The following ANOS1 variants were observed in gnomAD, a reference collection of about 807,000 sequenced individuals.
ANOS1 encodes the protein anosmin-1.
Under a neutral mutation model 59.0 loss-of-function variants are expected in ANOS1, and 6 were observed. That is an observed-to-expected ratio of 0.10 (90% CI 0.06 to 0.20). The LOEUF is 0.20. Ranked by LOEUF, ANOS1 falls within the 10% of genes least tolerant of loss-of-function variation. The pLI, the probability that ANOS1 is intolerant of heterozygous loss-of-function variation, is 1.00. For synonymous variants in ANOS1, 217 were observed against 223.4 expected, an observed-to-expected ratio of 0.97 and a Z score of 0.25; for missense variants, 433 against 542.3, an observed-to-expected ratio of 0.80 and a Z score of 2.00.
At chrX:8,600,646 TACTC>T (rs972378394) in intron 3 of ANOS1, among the ~76,000 whole-genome samples, 1 of 112,402 alleles carries the variant, frequency 8.9e-6, no homozygotes, top group Non-Finnish European at 1.9e-5. Flanking sequence ...TTTTATCTCT[TACTC>T]TATTTCACAG....
chrX:8,583,850 C>T lies in ANOS1; in HGVS notation c.856+1417G>A, dbSNP rs149072728. ...TTCCATTCTAGATTATAAGTTGCTC[C>T]GATATACTAGGAAGTGTCAGGACAG... On this transcript the variant is annotated intron_variant, in intron 6 of 13. Transcript: ENST00000262648. 8.4e-3 allele frequency among the ~76,000 whole-genome samples: 936 copies of T among 111,557 alleles called. 19 individuals are homozygous for T. The highest frequency in any genetic ancestry group is 0.029 in the African/African-American group (876 of 30,712).
chrX:8,630,228 G>A (rs996626836), intron 2 of ANOS1, among the ~76,000 whole-genome samples: 4 of 111,689 alleles, frequency 3.6e-5, no homozygotes, highest in African/African-American at 9.8e-5. Context: ...TCAAGAGCTC[G>A]AGACCAGCCT....
At chrX:8,567,013 C>T (rs898114850) in intron 8 of ANOS1, among the ~76,000 whole-genome samples, 1 of 111,747 alleles carries the variant, frequency 8.9e-6, no homozygotes, top group Non-Finnish European at 1.9e-5. Context: ...AAATCAACAT[C>T]GGAGGAGCCC....
intron 3 of ANOS1, among the ~76,000 whole-genome samples, chrX:8,619,387 C>G (rs1296304478): frequency 9.0e-6 from 1 of 111,626 alleles, no homozygotes; most frequent in East Asian, 2.8e-4. Flanking sequence ...GGGCGGATCA[C>G]AAGGTCAGGA....
chrX:8,689,945 A>G (rs1036920150), intron 2 of ANOS1, among the ~76,000 whole-genome samples: 6 of 111,647 alleles, frequency 5.4e-5, no homozygotes, highest in Non-Finnish European at 9.4e-5. Context: ...TGTACATAAG[A>G]TGGCTTTTTC....
chrX:8,609,825 G>A (rs1345149519), intron 3 of ANOS1, among the ~76,000 whole-genome samples: 1 of 108,245 alleles, frequency 9.2e-6, no homozygotes, highest in African/African-American at 3.4e-5. Context: ...GGCTAACACG[G>A]TGAAACCCCA....
intron 1 of ANOS1, among the ~76,000 whole-genome samples, chrX:8,730,294 C>G (rs781443377): frequency 8.9e-6 from 1 of 112,303 alleles, no homozygotes; most frequent in Non-Finnish European, 1.9e-5. Context: ...GGGATCGGCC[C>G]TCTCCTGGCT....
intron 2 of ANOS1, among the ~76,000 whole-genome samples, chrX:8,659,999 C>T (rs1395424641): frequency 9.0e-6 from 1 of 111,582 alleles, no homozygotes; most frequent in African/African-American, 3.3e-5. Flanking sequence ...GGGACACTTT[C>T]ACACTTTGGC....
In ANOS1 at chrX:8,699,679, A is replaced by G. The variant is rs748185445; in HGVS notation, c.255+19T>C. 1.7e-6 allele frequency: 2 copies of G among 1,170,876 alleles called. No individual in the cohort carries two copies. Among genetic ancestry groups the G allele is most frequent in the Non-Finnish European group, 2.3e-6 (2 of 863,104 alleles). ...ATTAAAAGTTTTTTGCACCATTCAT[A>G]CAGGTATAGGAAACGTACCTTAGAA... On this transcript the variant is annotated intron_variant, in intron 2 of 13. Coordinates refer to ENST00000262648, the MANE Select transcript of ANOS1 (RefSeq NM_000216.4).
At chrX:8,570,008 A>G (rs947764574) in intron 7 of ANOS1, among the ~76,000 whole-genome samples, 2 of 111,063 alleles carry the variant, frequency 1.8e-5, no homozygotes, top group Non-Finnish European at 3.8e-5. Context: ...CTTTTAATCA[A>G]TGAGAAGAAC....
Position 8,557,536 on chromosome X carries a change from AAAG to A in ANOS1, c.1208-3441_1208-3439del, listed in dbSNP as rs1242860997. ...AAAGGATATGAACAGACACTTCTCAAAAGAAGACATTTATGCGGCCAATAAACG... is the reference window on the plus strand; with the variant it reads ...AAAGGATATGAACAGACACTTCTCAAAAGACATTTATGCGGCCAATAAACG... On this transcript the variant is annotated intron_variant, in intron 8 of 13. Transcript: ENST00000262648. 5.3e-5 allele frequency among the ~76,000 whole-genome samples: 6 copies of A among 112,616 alleles called. No individual in the cohort carries two copies. The East Asian group carries it at 1.7e-3, about 31-fold the overall frequency.
chrX:8,614,386 T>C (rs1931122716), intron 3 of ANOS1, among the ~76,000 whole-genome samples: 1 of 111,764 alleles, frequency 8.9e-6, no homozygotes, highest in Non-Finnish European at 1.9e-5. Flanking sequence ...ATGTATTTGG[T>C]CTGAATTTCC....
At chrX:8,685,947 T>G (rs1393530575) in intron 2 of ANOS1, among the ~76,000 whole-genome samples, 1 of 111,921 alleles carries the variant, frequency 8.9e-6, no homozygotes, top group African/African-American at 3.3e-5. Flanking sequence ...CTGGCTCCCA[T>G]GGCCCACACA....
intron 9 of ANOS1, among the ~76,000 whole-genome samples, chrX:8,545,313 G>GGAAA (rs1250157963): frequency 1.0e-5 from 1 of 99,580 alleles, no homozygotes; most frequent in Non-Finnish European, 2.0e-5. Context: ...GGAAAGGAAG[G>GGAAA]GAAAGGAAAG....
intron 2 of ANOS1, among the ~76,000 whole-genome samples, chrX:8,645,765 GA>G (rs1931741871): frequency 9.0e-6 from 1 of 111,492 alleles, no homozygotes; most frequent in East Asian, 2.8e-4. Context: ...GGGACTATAG[GA>G]AAATATGAAT....
At chrX:8,660,926 C>A (rs2146871930) in intron 2 of ANOS1, among the ~76,000 whole-genome samples, 1 of 111,902 alleles carries the variant, frequency 8.9e-6, no homozygotes, top group South Asian at 3.8e-4. Context: ...CAGCAGTACA[C>A]AGAGCAGCCA....
chrX:8,554,542 G>GTTTTT (rs757605733), intron 8 of ANOS1, among the ~76,000 whole-genome samples: 15 of 50,830 alleles, frequency 3.0e-4, no homozygotes, highest in East Asian at 8.4e-4. Context: ...GGCTACAGGA[G>GTTTTT]TTTTTTTTTT....
At chrX:8,562,003 T>C (rs10284048) in intron 8 of ANOS1, among the ~76,000 whole-genome samples, 5,605 of 110,566 alleles carry the variant, frequency 0.051, 352 homozygotes, top group African/African-American at 0.17. Flanking sequence ...TGCACTGGCA[T>C]GATCTCGGCT....
In ANOS1 at chrX:8,553,999, T is replaced by G. The variant is rs1380651522; in HGVS notation, c.1307A>C (p.Tyr436Ser). Residue 436 changes from tyrosine to serine, a missense_variant, in exon 9 of 14, where the codon TAT becomes TCT. Tyr to Ser is a moderately radical substitution (Grantham distance 144, BLOSUM62 -2). Transcript: ENST00000262648. ...TRPLEVGAPFYQDGQLQVKVY... is the reference protein window; with the variant it reads ...TRPLEVGAPFSQDGQLQVKVY... ...TTTAACTTGCAGTTGGCCATCCTGA[T>G]AGAAGGGAGCTCCGACTTCCAGCGG... The G allele has an allele frequency of 8.3e-6, 10 of 1,209,218 alleles. No individual in the cohort carries two copies. Among genetic ancestry groups the G allele is most frequent in the Non-Finnish European group, 1.1e-5 (10 of 892,927 alleles).
Sources: allele counts gnomAD v4.1 joint callset (sites outside exome capture counted in the v4.1 genomes callset), GRCh38; gene constraint gnomAD v4.1.1; transcripts MANE v1.5; gene names NCBI Gene and HGNC (gene_info 2026-07-23, HGNC 2026-07-21).